The following FBXW4 variants were observed in gnomAD, a reference collection of about 807,000 sequenced individuals.
FBXW4 encodes the protein F-box and WD repeat domain containing 4.
A neutral mutation model predicts 61.8 loss-of-function variants in FBXW4; 40 were observed. That is an observed-to-expected ratio of 0.65 (90% CI 0.50 to 0.84). The LOEUF (loss-of-function observed/expected upper bound fraction) is 0.84. Among genes scored for constraint, FBXW4 ranks in the 40% least tolerant of loss-of-function variants. The pLI, the probability that FBXW4 is intolerant of heterozygous loss-of-function variation, is 0.00. For missense variants in FBXW4, 672 were observed against 753.8 expected (o/e 0.89, Z 1.27); for synonymous variants, 311 against 313.8 (o/e 0.99, Z 0.10).
At chr10:101,676,527 C>T in intron 1 of FBXW4, 91 bp from the exon 2 acceptor site, 1 of 947,748 alleles carries the variant, frequency 1.1e-6, no homozygotes, top group South Asian at 1.4e-5. Flanking sequence ...GATTCAGGAG[C>T]ATCCAGAATA....
intron 6 of FBXW4, among the ~76,000 whole-genome samples, chr10:101,616,791 G>A (rs963627493): frequency 4.6e-5 from 7 of 152,244 alleles, no homozygotes; most frequent in East Asian, 1.9e-4. Context: ...CACAAACTCC[G>A]TGAGTGGCAG....
intron 6 of FBXW4, among the ~76,000 whole-genome samples, chr10:101,623,454 T>A (rs1172041920): frequency 6.6e-6 from 1 of 151,964 alleles, no homozygotes; most frequent in Non-Finnish European, 1.5e-5. Context: ...CTGGTGAGGA[T>A]GTGAAGAAAT....
chr10:101,662,228 G>A (rs2064251500), intron 5 of FBXW4, among the ~76,000 whole-genome samples: 1 of 152,108 alleles, frequency 6.6e-6, no homozygotes, highest in Non-Finnish European at 1.5e-5. Context: ...ACAACACACA[G>A]TAAACCCTGT....
chr10:101,691,380 C>A (rs994676691), intron 1 of FBXW4, among the ~76,000 whole-genome samples: 3 of 152,174 alleles, frequency 2.0e-5, no homozygotes, highest in Admixed American at 6.5e-5. Context: ...AACTTCTTCC[C>A]TCAATCCAGA....
chr10:101,646,224 T>C (rs1163227545), intron 5 of FBXW4, among the ~76,000 whole-genome samples: 2 of 152,174 alleles, frequency 1.3e-5, no homozygotes, highest in Non-Finnish European at 2.9e-5. Flanking sequence ...TGTAGACCAC[T>C]TTAGAAAGCT....
At chr10:101,625,042 T>C in intron 5 of FBXW4, 1 of 590,524 alleles carries the variant, frequency 1.7e-6, no homozygotes, top group Non-Finnish European at 3.0e-6. Flanking sequence ...CAGCCACAGC[T>C]GGGCCTGCTG....
chr10:101,635,236 C>T (rs1241372677), intron 5 of FBXW4, among the ~76,000 whole-genome samples: 1 of 149,310 alleles, frequency 6.7e-6, no homozygotes, highest in East Asian at 1.9e-4. Context: ...GGATCTGTCA[C>T]TGTCTCTCAT....
Position 101,611,275 on chromosome 10 carries a change from G to GGGGT in FBXW4, c.*12_*15dup, listed in dbSNP as rs780222598. 4 of 1,611,658 alleles carry GGGGT rather than the reference G, an allele frequency of 2.5e-6. No individual in the cohort carries two copies. In the Admixed American group the frequency reaches 6.7e-5, roughly 27 times the overall value. ...AGCTGGTTTCCCTGGCCCAGAGGCA[G>GGGGT]GGGTGGCCCTGACGGTCATGGGTTT... is the stretch of plus-strand genomic sequence containing the variant. On this transcript the variant is annotated 3_prime_UTR_variant, in exon 9 of 9. Transcript: ENST00000331272. The surrounding 1 kb of genome is among the most constrained non-coding windows in gnomAD (Gnocchi z 4.9).
At chr10:101,651,630 C>T (rs1010919558) in intron 5 of FBXW4, among the ~76,000 whole-genome samples, 1 of 152,104 alleles carries the variant, frequency 6.6e-6, no homozygotes, top group Non-Finnish European at 1.5e-5. Flanking sequence ...TCTATAAGGG[C>T]TCCCATCGGG....
chr10:101,688,544 T>C (rs1199851831), intron 1 of FBXW4, among the ~76,000 whole-genome samples: 1 of 152,236 alleles, frequency 6.6e-6, no homozygotes, highest in African/African-American at 2.4e-5. Flanking sequence ...GATAGTCTCA[T>C]ACTCATTTTT....
intron 5 of FBXW4, among the ~76,000 whole-genome samples, chr10:101,643,746 C>T (rs763700405): frequency 6.6e-6 from 1 of 152,186 alleles, no homozygotes; most frequent in Non-Finnish European, 1.5e-5. Context: ...TCTTCCCTCC[C>T]ACGGTAAGTG....
At chr10:101,684,419 C>T (rs2064511680) in intron 1 of FBXW4, among the ~76,000 whole-genome samples, 1 of 152,208 alleles carries the variant, frequency 6.6e-6, no homozygotes. Flanking sequence ...AGCCACTGCG[C>T]CTGGCCTACC....
chr10:101,688,121 A>G (rs2064552657), intron 1 of FBXW4, among the ~76,000 whole-genome samples: 1 of 152,220 alleles, frequency 6.6e-6, no homozygotes. Flanking sequence ...CTGACCCCAA[A>G]TGTCTTTTCC....
At chr10:101,675,492 C>T (rs929783190) in intron 2 of FBXW4, among the ~76,000 whole-genome samples, 1 of 152,018 alleles carries the variant, frequency 6.6e-6, no homozygotes, top group African/African-American at 2.4e-5. Flanking sequence ...AAAAATCCGT[C>T]TTTCTCTCCT....
At chr10:101,659,667 A>G (rs1180453376) in intron 5 of FBXW4, among the ~76,000 whole-genome samples, 1 of 152,202 alleles carries the variant, frequency 6.6e-6, no homozygotes, top group East Asian at 1.9e-4. Flanking sequence ...TGTGAAAGGA[A>G]GCTCAGAAAC....
intron 5 of FBXW4, chr10:101,627,864 G>A (rs762712140): frequency 1.2e-3 from 856 of 703,556 alleles, no homozygotes; most frequent in Non-Finnish European, 1.4e-3. Context: ...TGAGACTCAC[G>A]GGATAAAGTG....
At chr10:101,666,537 T>C (rs539304863) in intron 5 of FBXW4, among the ~76,000 whole-genome samples, 1 of 152,256 alleles carries the variant, frequency 6.6e-6, no homozygotes, top group South Asian at 2.1e-4. Context: ...AAGTCTCTTA[T>C]AAAATAAGCA....
At chr10:101,629,838 G>T (rs951697756) in intron 5 of FBXW4, among the ~76,000 whole-genome samples, 2 of 151,996 alleles carry the variant, frequency 1.3e-5, no homozygotes, top group African/African-American at 4.8e-5. Context: ...TTGATTGAAT[G>T]AATGAATGAA....
At chr10:101,616,315 T>G (rs914227405) in intron 6 of FBXW4, among the ~76,000 whole-genome samples, 6 of 152,220 alleles carry the variant, frequency 3.9e-5, no homozygotes, top group Non-Finnish European at 8.8e-5. Flanking sequence ...ATCTCCTTCC[T>G]TCAGTCGAGC....
Sources: gnomAD v4.1 joint callset for allele counts (sites outside exome capture counted in the v4.1 genomes callset) on GRCh38, gnomAD v4.1.1 for gene constraint, Gnocchi (gnomAD v3.1) non-coding constraint, MANE v1.5 for transcripts, NCBI Gene and HGNC (gene_info 2026-07-23, HGNC 2026-07-21) for gene names.